NEB: variants seen among roughly 807,000 people sequenced by gnomAD.
NEB encodes nebulin.
In NEB, 512 loss-of-function variants were observed where a neutral mutation model predicts 952.2. The ratio of observed to expected loss-of-function variants is 0.54; its 90% CI spans 0.50 to 0.58. The LOEUF is 0.58. Among genes scored for constraint, NEB ranks in the 20% least tolerant of loss-of-function variants. The pLI is 0.00. For missense variants in NEB, 8,428 were observed against 9,231.1 expected (o/e 0.91, Z 3.56); for synonymous variants, 2,900 against 3,149.8 (o/e 0.92, Z 2.66).
At position 151,622,855 on chromosome 2, in the gene NEB, A is replaced by G. The variant is rs190067778; in HGVS notation, c.10453-1829T>C. Among the ~76,000 whole-genome samples the G allele has an allele frequency of 3.1e-3, 477 of 152,300 alleles. 2 individuals carry two copies. Among genetic ancestry groups the G allele is most frequent in the Non-Finnish European group, 4.9e-3 (335 of 68,024 alleles). ...TCCTTTATAGCAATGTTGCTTTTCT[A>G]TCCAGAATTCAGTTCAAGAGAATGA... On this transcript the variant is annotated intron_variant, in intron 71 of 181. Coordinates refer to ENST00000397345, the MANE Select transcript of NEB (RefSeq NM_001164508.2).
intron 13 of NEB, among the ~76,000 whole-genome samples, chr2:151,698,572 GA>G (rs2099615782): frequency 6.6e-6 from 1 of 151,006 alleles, no homozygotes; most frequent in South Asian, 2.1e-4. Flanking sequence ...TTTTCTTTCT[GA>G]TTTCTCTCTT....
At chr2:151,564,897 C>T (rs760596041) in intron 117 of NEB, 147 bp downstream of exon 117, 1 of 526,926 alleles carries the variant, frequency 1.9e-6, no homozygotes, top group Non-Finnish European at 3.3e-6. Flanking sequence ...TAACATGGTA[C>T]TTCTAATACA....
At chr2:151,683,994 A>G (rs1473743684) in intron 28 of NEB, among the ~76,000 whole-genome samples, 13 of 152,216 alleles carry the variant, frequency 8.5e-5, no homozygotes, top group Non-Finnish European at 1.5e-5. Context: ...GACTTTACAT[A>G]TATGAGGTAT....
rs75648481 is a variant in NEB at position 151,663,989 on chromosome 2, G to A, written c.5452-130C>T. On this transcript the variant is annotated intron_variant, in intron 44 of 181. Coordinates refer to ENST00000397345, the MANE Select transcript of NEB (RefSeq NM_001164508.2). ...CTCTAAAATTGGAAGGGAGGCACTC[G>A]TGAGAGGGAGGGAGCAAACTCTTTT... The A allele has an allele frequency of 4.2e-3, 3,604 of 868,064 alleles. 78 individuals are homozygous for A. The East Asian group carries it at 0.055, about 13-fold the overall frequency. 53.8% of individuals were successfully genotyped at this position (868,064 alleles called of 1,614,324 possible). A position where few individuals can be genotyped will look rare whatever the true frequency, so the allele number is the denominator to read the frequency against.
chr2:151,550,874 G>A (rs567445698), intron 129 of NEB, among the ~76,000 whole-genome samples: 1 of 151,748 alleles, frequency 6.6e-6, no homozygotes, highest in Admixed American at 6.6e-5. Context: ...TTGAACTCCA[G>A]GCTCAAGCCA....
intron 36 of NEB, among the ~76,000 whole-genome samples, chr2:151,673,450 G>GA (rs909217584): frequency 3.4e-5 from 5 of 145,382 alleles, no homozygotes; most frequent in East Asian, 2.0e-4. Context: ...AAAAAAAAAA[G>GA]AAAAAAAAAG....
chr2:151,650,350 C>T lies in NEB; in HGVS notation c.7257G>A (p.Leu2419=). The change falls in exon 54 of 182, where the codon CTG becomes CTA. Residue 2419 remains leucine, a synonymous_variant. Coordinates refer to ENST00000397345, the MANE Select transcript of NEB (RefSeq NM_001164508.2). ...CCAAGGGACTCCATCCTATGCCTCT[C>T]AGCCACTCAAGGTCAGATTTATATA... ...ENLYKSDLEW[L]RGIGWSPLGS... The T allele has an allele frequency of 1.2e-6, 2 of 1,613,944 alleles. No individual in the cohort carries two copies.
At chr2:151,605,682 G>T (rs2097676592) in intron 84 of NEB, among the ~76,000 whole-genome samples, 2 of 108,270 alleles carry the variant, frequency 1.8e-5, no homozygotes, top group African/African-American at 2.7e-5. Flanking sequence ...TGAAGAATAA[G>T]AAGGAGGAAA....
chr2:151,697,208 G>T lies in NEB; in HGVS notation c.1410C>A (p.Phe470Leu). The T allele has an allele frequency of 6.2e-7, 1 of 1,613,830 alleles. No individual in the cohort carries two copies. Among genetic ancestry groups the T allele is most frequent in the Non-Finnish European group, 8.5e-7 (1 of 1,179,866 alleles). The change falls in exon 16 of 182, where the codon TTC becomes TTA. Residue 470 changes from phenylalanine to leucine, a missense_variant. Around this residue, in one of 11 missense-constraint regions of NEB, gnomAD observed 2,851 missense variants for 2,791.5 expected, o/e 1.02. Coordinates refer to ENST00000397345, the MANE Select transcript of NEB (RefSeq NM_001164508.2). Reference sequence around the variant, plus strand: ...ATTCTTGAGTTATGGTCTGAGGGAAGAAGCCTTTGCCTCTGTCTTCTTCGT... The same window carrying T: ...ATTCTTGAGTTATGGTCTGAGGGAATAAGCCTTTGCCTCTGTCTTCTTCGT... Reference protein sequence around the residue: ...AEYEEDRGKGFFPQTITQEYE... With the variant: ...AEYEEDRGKGLFPQTITQEYE...
chr2:151,651,000 G>T (rs1279770220), intron 52 of NEB, 115 bp from the exon 53 acceptor site: 45 of 1,089,244 alleles, frequency 4.1e-5, no homozygotes, highest in Non-Finnish European at 5.8e-5. Flanking sequence ...TGTTTCCCAG[G>T]CTGGTCTTGA....
chr2:151,684,069 G>GA (rs1342572187), intron 28 of NEB, among the ~76,000 whole-genome samples: 2 of 152,280 alleles, frequency 1.3e-5, no homozygotes, highest in East Asian at 3.9e-4. Context: ...GGGGAAGAAG[G>GA]AAAATGGGAG....
rs781727334 is a variant in NEB, at chr2:151,650,583, C to A, written c.7218G>T (p.Leu2406=). ...DVVQAKKVYE[L]QSENLYKSDL... is the part of the protein sequence containing the mutation. ...TTTAATAGAAACTGACCTCACTTTG[C>A]AGTTCATAAACTTTCTTAGCTTGCA... is the stretch of plus-strand genomic sequence containing the variant. Residue 2406 remains leucine, a synonymous_variant, in exon 53 of 182, where the codon CTG becomes CTT. Coordinates refer to ENST00000397345, the MANE Select transcript of NEB (RefSeq NM_001164508.2). 6.4e-7 allele frequency: 1 copy of A among 1,566,446 alleles called. No individual in the cohort carries two copies. Among genetic ancestry groups the A allele is most frequent in the South Asian group, 1.2e-5 (1 of 80,940 alleles).
rs757210775 is a variant in NEB, at chr2:151,537,212, A to C, written c.21127T>G (p.Trp7043Gly). 6 of 1,612,338 alleles carry C rather than the reference A, an allele frequency of 3.7e-6. No homozygotes were observed. The highest frequency in any genetic ancestry group is 5.1e-6 in the Non-Finnish European group (6 of 1,178,692). The change falls in exon 141 of 182, where the codon TGG becomes GGG. Residue 7043 changes from tryptophan (W) to glycine (G), a missense_variant. Physicochemically the swap from Trp to Gly is radical, Grantham distance 184. Coordinates refer to ENST00000397345, the MANE Select transcript of NEB (RefSeq NM_001164508.2). Reference protein sequence around the residue: ...SDVKYKEDLTWLKGIGCYAYD... With the variant: ...SDVKYKEDLTGLKGIGCYAYD... ...GCATAGCAACCAATGCCTTTAAGCC[A>C]AGTCAAGTCTTCTTTATATTTTACC...
intron 60 of NEB, among the ~76,000 whole-genome samples, chr2:151,641,320 G>GT (rs1046314588): frequency 2.9e-4 from 44 of 151,822 alleles, no homozygotes; most frequent in East Asian, 1.2e-3. Flanking sequence ...ACACATGACT[G>GT]TTTTTTTTGT....
At chr2:151,524,664 T>C (rs746940820) in intron 151 of NEB, 48 bp from the exon 152 acceptor site, 2 of 1,367,730 alleles carry the variant, frequency 1.5e-6, no homozygotes, top group East Asian at 2.4e-5. Flanking sequence ...CTTTTTTTTT[T>C]TTTTTTTTTT....
chr2:151,541,950 C>T (rs2094129118), intron 135 of NEB, among the ~76,000 whole-genome samples: 1 of 152,196 alleles, frequency 6.6e-6, no homozygotes, highest in Non-Finnish European at 1.5e-5. Context: ...AGTCTCTAGC[C>T]AATGGCCTTC....
intron 3 of NEB, 98 bp from the exon 4 acceptor site, chr2:151,729,754 T>C (rs985100214): frequency 4.0e-6 from 5 of 1,262,268 alleles, no homozygotes; most frequent in East Asian, 2.3e-5. Context: ...ACTAGCTCGG[T>C]TGATTTGGAA....
In NEB at chr2:151,492,473, G is replaced by A. The variant is rs956279295; in HGVS notation, c.24787C>T (p.Arg8263Trp). The stretch of plus-strand genomic sequence containing the variant: ...GCAGCTTTGCCTTGTATTTGTTTCC[G>A]GAAACTATCAGAATAAAGAACCTGA... The part of the protein sequence containing the change: ...ISSVLYSDSF[R>W]KQIQGKAAYV... The change falls in exon 177 of 182, where the codon CGG becomes TGG. Residue 8263 changes from arginine to tryptophan, a missense_variant. Coordinates refer to ENST00000397345, the MANE Select transcript of NEB (RefSeq NM_001164508.2). 59 of 1,612,822 alleles carry A rather than the reference G, an allele frequency of 3.7e-5. No individual in the cohort carries two copies. The highest frequency in any genetic ancestry group is 4.6e-5 in the Non-Finnish European group (54 of 1,179,366).
intron 41 of NEB, among the ~76,000 whole-genome samples, chr2:151,665,753 T>TTA (rs1318066261): frequency 6.6e-6 from 1 of 152,200 alleles, no homozygotes; most frequent in African/African-American, 2.4e-5. Flanking sequence ...AGCAATTCCT[T>TTA]TAACAAGTTA....
Sources: gnomAD v4.1 joint callset for allele counts (sites outside exome capture counted in the v4.1 genomes callset) on GRCh38, gnomAD v4.1.1 for gene constraint, gnomAD v4.1.1 regional missense constraint, MANE v1.5 for transcripts, NCBI Gene and HGNC (gene_info 2026-07-23, HGNC 2026-07-21) for gene names.